The following ATM variants were observed in gnomAD, a reference collection of about 807,000 sequenced individuals.
ATM encodes serine-protein kinase ATM.
A neutral mutation model predicts 387.0 loss-of-function variants in ATM; 308 were observed. The ratio of observed to expected loss-of-function variants is 0.80; its 90% CI spans 0.73 to 0.87. ATM has a LOEUF of 0.87. Among genes scored for constraint, ATM ranks in the 40% least tolerant of loss-of-function variants. The pLI is 0.00. For missense variants in ATM, 3,312 were observed against 3,560.9 expected (o/e 0.93, Z 1.78); for synonymous variants, 1,156 against 1,187.3 (o/e 0.97, Z 0.54).
intron 58 of ATM, among the ~76,000 whole-genome samples, 164 bp downstream of exon 58, chr11:108,346,072 C>T (rs747357869): frequency 1.3e-5 from 2 of 152,122 alleles, no homozygotes; most frequent in Non-Finnish European, 2.9e-5. Context: ...GTTTCTTGTT[C>T]ATCCTGATTC....
At position 108,315,736 on chromosome 11, in the gene ATM, T is replaced by A. The variant is rs1240016998; in HGVS notation, c.6007-87T>A. The A allele has an allele frequency of 3.3e-6, 3 of 916,830 alleles. No homozygotes were observed. The African/African-American group carries it at 4.9e-5, about 15-fold the overall frequency. The allele number at this position is 916,830 out of a possible 1,614,324, so 56.8% of individuals were successfully genotyped here. On this transcript the variant is annotated intron_variant, in intron 40 of 62. Coordinates refer to ENST00000675843, the MANE Select transcript of ATM (RefSeq NM_000051.4). ...ATAACATTTAGAGTTGGGAGTTACA[T>A]ATTGGTAATGATACAATTTAAAATT...
At chr11:108,292,586 G>C in intron 29 of ATM, 33 bp from the exon 30 acceptor site, 1 of 1,608,164 alleles carries the variant, frequency 6.2e-7, no homozygotes, top group Non-Finnish European at 8.5e-7. Flanking sequence ...AGAACTTACT[G>C]GTTGTTGTTG....
At position 108,272,566 on chromosome 11, in the gene ATM, G is replaced by A. The variant is rs876659877; in HGVS notation, c.3112G>A (p.Val1038Ile). 2 of 1,613,734 alleles carry A rather than the reference G, an allele frequency of 1.2e-6. No individual in the cohort carries two copies. The highest frequency in any genetic ancestry group is 1.7e-6 in the Non-Finnish European group (2 of 1,179,706). ...AAAGGAGAGGAAATATATATTCTCT[G>A]TAAGAATGGCCCTAGTAAATTGCCT... is the stretch of plus-strand genomic sequence containing the variant. ...LTKERKYIFSVRMALVNCLKT... is the reference protein window; with the variant it reads ...LTKERKYIFSIRMALVNCLKT... The change falls in exon 21 of 63, where the codon GTA (valine) becomes ATA (isoleucine). Residue 1038 changes from valine (V) to isoleucine (I), a missense_variant. This residue lies in a region of ATM where 1,791 missense variants were observed against 1,804.5 expected (regional missense o/e 0.99). Coordinates refer to ENST00000675843, the MANE Select transcript of ATM (RefSeq NM_000051.4).
At chr11:108,336,392 T>C (rs2086861073) in intron 56 of ATM, 1 of 158,402 alleles carries the variant, frequency 6.3e-6, no homozygotes, top group Non-Finnish European at 1.4e-5. Context: ...AATAAAGATT[T>C]ATTTTCTTTG....
chr11:108,251,129 C>T (rs2080128123), intron 10 of ATM, 57 bp downstream of exon 10: 1 of 1,606,432 alleles, frequency 6.2e-7, no homozygotes, highest in South Asian at 1.1e-5. Context: ...GACACACACA[C>T]ACTCACATAT....
intron 5 of ATM, among the ~76,000 whole-genome samples, chr11:108,238,405 A>C (rs2079404377): frequency 6.6e-6 from 1 of 151,906 alleles, no homozygotes; most frequent in Admixed American, 6.6e-5. Context: ...CCTTCCCTTG[A>C]CCTCCCAAAG....
chr11:108,330,089 A>C (rs941987732), intron 49 of ATM, 125 bp from the exon 50 acceptor site: 2 of 941,476 alleles, frequency 2.1e-6, no homozygotes, highest in African/African-American at 3.3e-5. Context: ...TAATCCTTAG[A>C]AGTTTGCTTT....
At chr11:108,286,995 C>G (rs554648966) in intron 26 of ATM, among the ~76,000 whole-genome samples, 2 of 152,118 alleles carry the variant, frequency 1.3e-5, no homozygotes, top group African/African-American at 2.4e-5. Context: ...TTTTGTGAAG[C>G]TACCTGTCTA....
At chr11:108,345,704 C>T (rs566080491) in intron 57 of ATM, 39 bp from the exon 58 acceptor site, 3 of 1,438,966 alleles carry the variant, frequency 2.1e-6, no homozygotes, top group South Asian at 2.7e-5. Context: ...TAATTGAACA[C>T]AATATTGAAA....
At chr11:108,259,704 T>C (rs1382487790) in intron 16 of ATM, among the ~76,000 whole-genome samples, 2 of 152,310 alleles carry the variant, frequency 1.3e-5, no homozygotes, top group Admixed American at 1.3e-4. Flanking sequence ...AATTATTTGT[T>C]CTTTAAAAGT....
intron 16 of ATM, among the ~76,000 whole-genome samples, chr11:108,261,097 A>C (rs1457479017): frequency 4.6e-5 from 7 of 152,234 alleles, no homozygotes; most frequent in African/African-American, 1.7e-4. Context: ...GATTAGGTAA[A>C]CAAAGCAGCC....
Position 108,310,332 on chromosome 11 carries a change from T to G in ATM, c.5918+17T>G, listed in dbSNP as rs2136020727. On this transcript the variant is annotated intron_variant, in intron 39 of 62. Coordinates refer to ENST00000675843, the MANE Select transcript of ATM (RefSeq NM_000051.4). ...AGAGAAAAGGTAATGGAATTTAGAA[T>G]TTTTGGTTTTTAAAATTAATGTTGG... 1.9e-6 allele frequency: 3 copies of G among 1,609,632 alleles called. No homozygotes were observed. Among genetic ancestry groups the G allele is most frequent in the Non-Finnish European group, 2.5e-6 (3 of 1,176,990 alleles).
chr11:108,260,151 C>T (rs1361315996), intron 16 of ATM, among the ~76,000 whole-genome samples: 2 of 151,230 alleles, frequency 1.3e-5, no homozygotes, highest in Non-Finnish European at 2.9e-5. Context: ...TCTCCTGCCT[C>T]AGCCTCCCAA....
chr11:108,354,776 A>T (rs1303826136), intron 60 of ATM, 35 bp from the exon 61 acceptor site: 1 of 1,577,752 alleles, frequency 6.3e-7, no homozygotes, highest in Non-Finnish European at 8.7e-7. Context: ...ATTGGTGTGT[A>T]ACAAAATCCG....
chr11:108,265,997 A>C (rs1389820200), intron 16 of ATM, among the ~76,000 whole-genome samples: 1 of 151,866 alleles, frequency 6.6e-6, no homozygotes, highest in Non-Finnish European at 1.5e-5. Context: ...GGTGCTGGAG[A>C]GGATGTGGAG....
chr11:108,293,410 T>C lies in ATM; in HGVS notation c.4709T>C (p.Val1570Ala), dbSNP rs140856217. 3.9e-4 allele frequency: 631 copies of C among 1,612,060 alleles called. No homozygotes were observed. Among genetic ancestry groups the C allele is most frequent in the Admixed American group, 5.0e-4 (30 of 59,990 alleles). Reference sequence around the variant, plus strand: ...TTAGATCCTTTTCCTGACCATGTTGTTTTTAAGGATTTGCGTATTACTCAG... The same window carrying C: ...TTAGATCCTTTTCCTGACCATGTTGCTTTTAAGGATTTGCGTATTACTCAG... ...KLLDPFPDHV[V>A]FKDLRITQQK... The change falls in exon 31 of 63, where the codon GTT (valine) becomes GCT (alanine). Residue 1570 changes from valine (V) to alanine (A), a missense_variant. Coordinates refer to ENST00000675843, the MANE Select transcript of ATM (RefSeq NM_000051.4).
intron 16 of ATM, among the ~76,000 whole-genome samples, chr11:108,266,081 C>T (rs1465275872): frequency 1.3e-5 from 2 of 151,872 alleles, no homozygotes; most frequent in African/African-American, 2.4e-5. Flanking sequence ...TGTGGTGATT[C>T]CTCAGGGATC....
chr11:108,319,503 T>C (rs1834045045), intron 43 of ATM, among the ~76,000 whole-genome samples: 1 of 152,194 alleles, frequency 6.6e-6, no homozygotes, highest in Admixed American at 6.5e-5. Context: ...CTTTCTTGAT[T>C]ACCCATTCTA....
At chr11:108,260,910 G>A (rs958043022) in intron 16 of ATM, among the ~76,000 whole-genome samples, 22 of 152,224 alleles carry the variant, frequency 1.4e-4, no homozygotes, top group Admixed American at 3.9e-4. Context: ...GTCACTCCCC[G>A]AATACTGCTC....
Sources: allele counts gnomAD v4.1 joint callset (sites outside exome capture counted in the v4.1 genomes callset), GRCh38; gene constraint gnomAD v4.1.1; regional missense constraint gnomAD v4.1.1; transcripts MANE v1.5; gene names NCBI Gene and HGNC (gene_info 2026-07-23, HGNC 2026-07-21).